The following MYO1G variants were observed in gnomAD, a reference collection of about 807,000 sequenced individuals.
MYO1G encodes unconventional myosin-Ig.
In MYO1G, 65 loss-of-function variants were observed where a neutral mutation model predicts 115.3. That is an observed-to-expected ratio of 0.56 (90% CI 0.46 to 0.69). The LOEUF (loss-of-function observed/expected upper bound fraction) is 0.69, where lower values mean the gene tolerates loss of function less well. Ranked by LOEUF, MYO1G falls within the 30% of genes least tolerant of loss-of-function variation. MYO1G has a pLI of 0.00. For synonymous variants in MYO1G, 510 were observed against 552.6 expected, an observed-to-expected ratio of 0.92 and a Z score of 1.08; for missense variants, 1,204 against 1,393.5, an observed-to-expected ratio of 0.86 and a Z score of 2.16.
In MYO1G at chr7:44,970,669, C is replaced by A. The variant is rs759219081; in HGVS notation, c.1140G>T (p.Arg380=). 1.9e-6 allele frequency: 3 copies of A among 1,613,986 alleles called. No homozygotes were observed. Among genetic ancestry groups the A allele is most frequent in the Admixed American group, 1.7e-5 (1 of 60,032 alleles). ...TGTCCTTGCCATCACGCCGAGGATCCCGGCCCCGGGGTTCCATGACACTGT... is the reference window on the plus strand; with the variant it reads ...TGTCCTTGCCATCACGCCGAGGATCACGGCCCCGGGGTTCCATGACACTGT... ...RINSVMEPRG[R]DPRRDGKDTV... is the part of the protein sequence containing the mutation. Residue 380 remains arginine, a synonymous_variant, in exon 9 of 22, where the codon CGG becomes CGT. Coordinates refer to ENST00000258787, the MANE Select transcript of MYO1G (RefSeq NM_033054.3).
Position 44,966,662 on chromosome 7 carries a change from G to GT in MYO1G, c.1949+9dup, listed in dbSNP as rs1794851195. 2.5e-6 allele frequency: 4 copies of GT among 1,613,028 alleles called. No individual in the cohort carries two copies. The highest frequency in any genetic ancestry group is 2.5e-6 in the Non-Finnish European group (3 of 1,179,972). On this transcript the variant is annotated intron_variant, in intron 15 of 21. Transcript: ENST00000258787. The surrounding 1 kb of genome is among the most constrained non-coding windows in gnomAD (Gnocchi z 5.0). Reference sequence around the variant, plus strand: ...TGGCCCATGGAGTGATGGGTGTCAGGTGCCAGTACCTGAGCAGGAATCGAG... The same window carrying GT: ...TGGCCCATGGAGTGATGGGTGTCAGGTTGCCAGTACCTGAGCAGGAATCGAG...
At chr7:44,977,170 C>T (rs571698331) in intron 1 of MYO1G, 99 bp from the exon 2 acceptor site, 38 of 1,118,144 alleles carry the variant, frequency 3.4e-5, no homozygotes, top group East Asian at 2.0e-4. Context: ...AGTAGGCCAG[C>T]GCTCCCACCC....
intron 5 of MYO1G, chr7:44,972,674 A>T (rs772342317): frequency 8.3e-4 from 145 of 175,112 alleles, no homozygotes; most frequent in Non-Finnish European, 1.3e-3. Flanking sequence ...GTTACTGGAG[A>T]CCCTGCCCCT....
Position 44,962,670 on chromosome 7 carries a change from C to A in MYO1G, c.*69G>T. ...GGAGCGGCGAGCAGGAGGGCTGACT[C>A]AGAAGGTTTATTTGCAGCGCTGGCG... On this transcript the variant is annotated 3_prime_UTR_variant, in exon 22 of 22. Coordinates refer to ENST00000258787, the MANE Select transcript of MYO1G (RefSeq NM_033054.3). The surrounding 1 kb of genome is among the most constrained non-coding windows in gnomAD (Gnocchi z 5.3). 7.0e-7 allele frequency: 1 copy of A among 1,418,712 alleles called. No homozygotes were observed. 87.9% of individuals were successfully genotyped at this position (1,418,712 alleles called of 1,614,324 possible).
intron 14 of MYO1G, among the ~76,000 whole-genome samples, chr7:44,967,318 C>A (rs1008036270): frequency 1.3e-5 from 2 of 152,178 alleles, no homozygotes; most frequent in Admixed American, 1.3e-4. Context: ...GCCAAGCCAG[C>A]CTCTCAGCAG....
chr7:44,972,425 T>C (rs1794976800), intron 5 of MYO1G, 200 bp from the exon 6 acceptor site: 1 of 557,012 alleles, frequency 1.8e-6, no homozygotes, highest in Non-Finnish European at 3.3e-6. Context: ...GGAGCTCCAC[T>C]TCAGTGGGAG....
In MYO1G at chr7:44,963,654, T is replaced by G. The variant is rs779919132; in HGVS notation, c.2745+395A>C. On this transcript the variant is annotated intron_variant, in intron 20 of 21. Coordinates refer to ENST00000258787, the MANE Select transcript of MYO1G (RefSeq NM_033054.3). This position sits in a 1 kb window ranked among gnomAD's most constrained non-coding sequence, Gnocchi z 4.1. ...AGCAGCTGCTAATGAAGGGAGCAAGTAGGCCACAGAGCTCGGCAGAAGGTT... is the reference window on the plus strand; with the variant it reads ...AGCAGCTGCTAATGAAGGGAGCAAGGAGGCCACAGAGCTCGGCAGAAGGTT... 7.1e-4 allele frequency: 156 copies of G among 219,182 alleles called. 3 individuals are homozygous for G. Among genetic ancestry groups the G allele is most frequent in the Middle Eastern group, 1.6e-3 (1 of 612 alleles). 13.6% of individuals were successfully genotyped at this position (219,182 alleles called of 1,614,324 possible). A position where few individuals can be genotyped will look rare whatever the true frequency, so the allele number is the denominator to read the frequency against.
rs2128702012 is a variant in MYO1G at position 44,970,136 on chromosome 7, G to T, written c.1236C>A (p.Ile412=). The T allele has an allele frequency of 6.2e-7, 1 of 1,613,624 alleles. No homozygotes were observed. Among genetic ancestry groups the T allele is most frequent in the South Asian group, 1.1e-5 (1 of 91,050 alleles). Residue 412 remains isoleucine (I), a synonymous_variant, in exon 10 of 22, where the codon ATC becomes ATA. Transcript: ENST00000258787. The part of the protein sequence containing the change: ...FPVNSFEQFC[I]NYCNEKLQQL... The stretch of plus-strand genomic sequence containing the variant: ...GCTGCAGCTTCTCGTTGCAGTAGTT[G>T]ATGCAGAACTGCTCGAAACTGGGGG...
Position 44,966,343 on chromosome 7 carries a change from G to T in MYO1G, c.1950-63C>A. ...GGGGAGAGATGATGGAGCCCACCCT[G>T]CCCACCCCACACCTGGGGAGATGGC... is the stretch of plus-strand genomic sequence containing the variant. On this transcript the variant is annotated intron_variant, in intron 15 of 21. Transcript: ENST00000258787. The surrounding 1 kb of genome is among the most constrained non-coding windows in gnomAD (Gnocchi z 5.0). The T allele has an allele frequency of 7.1e-7, 1 of 1,415,362 alleles. No homozygotes were observed. 87.7% of individuals were successfully genotyped at this position (1,415,362 alleles called of 1,614,324 possible).
chr7:44,973,543 T>C (rs2128702600), intron 5 of MYO1G: 1 of 151,716 alleles, frequency 6.6e-6, no homozygotes, highest in African/African-American at 2.4e-5. Flanking sequence ...AAGAGCTCCA[T>C]TTCATGGGAG....
At position 44,969,487 on chromosome 7, in the gene MYO1G, T is replaced by C; in HGVS notation, c.1504-4A>G. ...TGGTCTTGTCTGTGGGGCAGAGCTATGGGGACAGGCTGAGGTCAAGGCACA... is the reference window on the plus strand; with the variant it reads ...TGGTCTTGTCTGTGGGGCAGAGCTACGGGGACAGGCTGAGGTCAAGGCACA... On this transcript the variant is annotated splice_region_variant and splice_polypyrimidine_tract_variant and intron_variant, in intron 11 of 21. Transcript: ENST00000258787. This position sits in a 1 kb window ranked among gnomAD's most constrained non-coding sequence, Gnocchi z 5.0. 7.4e-6 allele frequency: 12 copies of C among 1,613,722 alleles called. No homozygotes were observed. The highest frequency in any genetic ancestry group is 1.0e-5 in the Non-Finnish European group (12 of 1,179,942).
chr7:44,975,440 C>T (rs375455786), intron 4 of MYO1G, 44 bp downstream of exon 4: 24 of 1,578,976 alleles, frequency 1.5e-5, no homozygotes, highest in Admixed American at 3.4e-5. Flanking sequence ...GGATGGGTCT[C>T]GGCCAGGGCT....
At position 44,972,168 on chromosome 7, in the gene MYO1G, C is replaced by T. The variant is rs778721252; in HGVS notation, c.676G>A (p.Ala226Thr). 9 of 1,614,160 alleles carry T rather than the reference C, an allele frequency of 5.6e-6. No homozygotes were observed. Among genetic ancestry groups the T allele is most frequent in the Non-Finnish European group, 7.6e-6 (9 of 1,180,032 alleles). The change falls in exon 6 of 22, where the codon GCT becomes ACT. Residue 226 changes from alanine (A) to threonine (T), a missense_variant. Physicochemically the swap from Ala to Thr is moderately conservative, Grantham distance 58. Coordinates refer to ENST00000258787, the MANE Select transcript of MYO1G (RefSeq NM_033054.3). ...CCCTGGTGTGTGAAATTGTATACAG[C>T]AGGGTTTCTCTCCAAGTGCAGTTCA... ...LHELHLERNP[A>T]VYNFTHQGAG...
In MYO1G at chr7:44,963,351, T is replaced by G. The variant is rs527912665; in HGVS notation, c.2746-227A>C. 641 of 526,952 alleles carry G rather than the reference T, an allele frequency of 1.2e-3. 5 individuals are homozygous for G. Among genetic ancestry groups the G allele is most frequent in the African/African-American group, 0.012 (577 of 49,328 alleles). 32.6% of individuals were successfully genotyped at this position (526,952 alleles called of 1,614,324 possible). A position where few individuals can be genotyped will look rare whatever the true frequency, so the allele number is the denominator to read the frequency against. ...ACAATACGATTTTCTCCAGGACTGA[T>G]GGTTCTAGATCCTTGCTGTCCAACA... On this transcript the variant is annotated intron_variant, in intron 20 of 21. Coordinates refer to ENST00000258787, the MANE Select transcript of MYO1G (RefSeq NM_033054.3). This position sits in a 1 kb window ranked among gnomAD's most constrained non-coding sequence, Gnocchi z 4.1.
intron 17 of MYO1G, 54 bp downstream of exon 17, chr7:44,965,583 A>G: frequency 6.5e-7 from 1 of 1,531,836 alleles, no homozygotes; most frequent in African/African-American, 1.4e-5. Context: ...TGATGGGTTA[A>G]GGTATTCAGT....
At position 44,967,671 on chromosome 7, in the gene MYO1G, G is replaced by A; in HGVS notation, c.1716C>T (p.Arg572=). Residue 572 remains arginine, a synonymous_variant, in exon 14 of 22, where the codon CGC becomes CGT. Transcript: ENST00000258787. ...GQQDITEVTK[R]PLTAGTLFKN... ...TGAAGAGTGTGCCAGCCGTCAGGGGGCGCTTGGTCACCTCTGTGATGTCCT... is the reference window on the plus strand; with the variant it reads ...TGAAGAGTGTGCCAGCCGTCAGGGGACGCTTGGTCACCTCTGTGATGTCCT... 1.2e-6 allele frequency: 2 copies of A among 1,613,730 alleles called. No homozygotes were observed. The highest frequency in any genetic ancestry group is 2.2e-5 in the South Asian group (2 of 91,086).
chr7:44,967,851 C>G lies in MYO1G; in HGVS notation c.1649+33G>C, dbSNP rs771433069. 2.5e-6 allele frequency: 4 copies of G among 1,613,174 alleles called. No homozygotes were observed. In the African/African-American group the frequency reaches 4.0e-5, roughly 16 times the overall value. On this transcript the variant is annotated intron_variant, in intron 13 of 21. Transcript: ENST00000258787. Reference sequence around the variant, plus strand: ...AGTCTCTGGGGCCCCAGGGCCCTGGCCCTCCCTATGGTGCCCAGCAAGCCG... The same window carrying G: ...AGTCTCTGGGGCCCCAGGGCCCTGGGCCTCCCTATGGTGCCCAGCAAGCCG...
chr7:44,968,044 C>T, intron 12 of MYO1G, 86 bp from the exon 13 acceptor site: 2 of 1,105,876 alleles, frequency 1.8e-6, no homozygotes, highest in Non-Finnish European at 2.7e-6. Flanking sequence ...CCACTCTCTT[C>T]CCATCTGCCT....
intron 5 of MYO1G, 87 bp from the exon 6 acceptor site, chr7:44,972,312 C>A: frequency 1.0e-6 from 1 of 991,122 alleles, no homozygotes. Context: ...AACAGACTTG[C>A]GCTTCCTTCC....
Sources: allele counts gnomAD v4.1 joint callset (sites outside exome capture counted in the v4.1 genomes callset), GRCh38; gene constraint gnomAD v4.1.1; non-coding constraint Gnocchi (gnomAD v3.1); transcripts MANE v1.5; gene names NCBI Gene and HGNC (gene_info 2026-07-23, HGNC 2026-07-21).